ARL15: variants seen among roughly 807,000 people sequenced by gnomAD.
ARL15 encodes the protein ARF like GTPase 15.
In ARL15, 19 loss-of-function variants were observed where a neutral mutation model predicts 25.2. The ratio of observed to expected loss-of-function variants is 0.75; its 90% CI spans 0.53 to 1.10. ARL15 has a LOEUF of 1.10. Ranked by LOEUF, ARL15 falls within the 50% of genes least tolerant of loss-of-function variation. The probability of loss-of-function intolerance (pLI) is 0.00; values close to 1 mark genes in which losing one functional copy is unlikely to be tolerated. For missense variants in ARL15, 220 were observed against 246.0 expected (o/e 0.89, Z 0.71); for synonymous variants, 94 against 86.8 (o/e 1.08, Z -0.46).
chr5:54,241,721 T>C (rs1446887040), intron 1 of ARL15, among the ~76,000 whole-genome samples: 4 of 152,058 alleles, frequency 2.6e-5, no homozygotes, highest in African/African-American at 4.8e-5. Context: ...GTAGACAAGA[T>C]ATGTAGCAAG....
intron 4 of ARL15, among the ~76,000 whole-genome samples, chr5:53,983,821 CAATA>C (rs1292495555): frequency 9.9e-5 from 15 of 152,158 alleles, no homozygotes; most frequent in Non-Finnish European, 2.1e-4. Flanking sequence ...TGATTCCCAA[CAATA>C]AAACTTCTAG....
chr5:54,049,475 T>A (rs1435827558), intron 4 of ARL15, among the ~76,000 whole-genome samples: 2 of 152,190 alleles, frequency 1.3e-5, no homozygotes, highest in Non-Finnish European at 1.5e-5. Context: ...GGATATATCC[T>A]ATGGTTTGGA....
intron 1 of ARL15, among the ~76,000 whole-genome samples, chr5:54,225,770 G>A (rs1033171650): frequency 3.3e-5 from 5 of 152,120 alleles, no homozygotes; most frequent in African/African-American, 4.8e-5. Flanking sequence ...ACACACCATC[G>A]CATCGGGAAG....
chr5:54,175,339 C>CT (rs200930798), intron 1 of ARL15, among the ~76,000 whole-genome samples: 4,207 of 145,722 alleles, frequency 0.029, 181 homozygotes, highest in East Asian at 0.21. Context: ...TTCTTTCTTT[C>CT]TTTTTTTTTT....
chr5:54,230,107 T>C (rs952224295), intron 1 of ARL15, among the ~76,000 whole-genome samples: 3 of 151,980 alleles, frequency 2.0e-5, no homozygotes, highest in African/African-American at 7.2e-5. Flanking sequence ...ATCCCAGCAC[T>C]TCGGGAGGCT....
chr5:54,113,126 C>T lies in ARL15; in HGVS notation c.462+76G>A, dbSNP rs1561228473. 10 of 1,411,188 alleles carry T rather than the reference C, an allele frequency of 7.1e-6. 1 individual carries two copies. The South Asian group carries it at 8.9e-5, about 12-fold the overall frequency. The allele number at this position is 1,411,188 out of a possible 1,614,324, so 87.4% of individuals were successfully genotyped here. A position where few individuals can be genotyped will look rare whatever the true frequency, so the allele number is the denominator to read the frequency against. Reference sequence around the variant, plus strand: ...TAACCAGCACATTCCTAATTACATGCATTTTTCCAGGTTCCAACGTGGCAG... The same window carrying T: ...TAACCAGCACATTCCTAATTACATGTATTTTTCCAGGTTCCAACGTGGCAG... On this transcript the variant is annotated intron_variant, in intron 4 of 4. Coordinates refer to ENST00000504924, the MANE Select transcript of ARL15 (RefSeq NM_019087.3).
rs563745384 is a variant in ARL15 at position 54,156,930 on chromosome 5, T to C, written c.194-2291A>G. On this transcript the variant is annotated intron_variant, in intron 2 of 4. Transcript: ENST00000504924. Reference sequence around the variant, plus strand: ...GGAAAGTCAGTGCCAATCATAATATTCCTGCTGGCACAGAAATTCACCTGC... The same window carrying C: ...GGAAAGTCAGTGCCAATCATAATATCCCTGCTGGCACAGAAATTCACCTGC... 9.5e-4 allele frequency among the ~76,000 whole-genome samples: 144 copies of C among 152,324 alleles called. 2 individuals carry two copies. In the South Asian group the frequency reaches 0.012, roughly 13 times the overall value.
intron 4 of ARL15, among the ~76,000 whole-genome samples, chr5:53,986,193 TTA>T (rs925097005): frequency 1.3e-5 from 2 of 152,218 alleles, no homozygotes; most frequent in Non-Finnish European, 1.5e-5. Context: ...ACCCTGAATG[TTA>T]TGTTTCTGCC....
At chr5:54,009,111 A>G (rs952659405) in intron 4 of ARL15, among the ~76,000 whole-genome samples, 2 of 152,222 alleles carry the variant, frequency 1.3e-5, no homozygotes, top group African/African-American at 4.8e-5. Flanking sequence ...GGTGCTTCAT[A>G]TTATATATGT....
intron 1 of ARL15, among the ~76,000 whole-genome samples, chr5:54,298,960 G>A (rs1758542227): frequency 6.6e-6 from 1 of 151,810 alleles, no homozygotes; most frequent in Admixed American, 6.6e-5. Context: ...CTGGAGTGCA[G>A]TGGCACAATC....
At chr5:54,017,019 C>T (rs188606917) in intron 4 of ARL15, among the ~76,000 whole-genome samples, 7 of 152,312 alleles carry the variant, frequency 4.6e-5, no homozygotes, top group Admixed American at 2.0e-4. Flanking sequence ...ACATGTTAAT[C>T]GTGGTGCGTC....
chr5:54,029,350 C>T (rs1051057525), intron 4 of ARL15, among the ~76,000 whole-genome samples: 2 of 142,872 alleles, frequency 1.4e-5, no homozygotes, highest in South Asian at 4.6e-4. Context: ...ACCACCACCA[C>T]CACCACCACC....
chr5:54,165,710 A>G (rs1181876045), intron 2 of ARL15, among the ~76,000 whole-genome samples: 2 of 149,132 alleles, frequency 1.3e-5, no homozygotes, highest in Non-Finnish European at 3.0e-5. Flanking sequence ...GTATAGGTGC[A>G]TGTATGGATA....
intron 1 of ARL15, among the ~76,000 whole-genome samples, chr5:54,242,794 T>C (rs916861860): frequency 6.6e-6 from 1 of 152,156 alleles, no homozygotes; most frequent in Non-Finnish European, 1.5e-5. Flanking sequence ...CCCCTTTTTT[T>C]CCTAGGTCAG....
At chr5:54,158,262 CT>C (rs772905097) in intron 2 of ARL15, among the ~76,000 whole-genome samples, 33 of 152,124 alleles carry the variant, frequency 2.2e-4, no homozygotes, top group Non-Finnish European at 4.4e-4. Flanking sequence ...AACTGTTTGA[CT>C]TTGAGCAAGC....
intron 1 of ARL15, among the ~76,000 whole-genome samples, chr5:54,181,496 C>T (rs923808282): frequency 3.9e-5 from 6 of 152,198 alleles, no homozygotes; most frequent in African/African-American, 9.6e-5. Flanking sequence ...TACAGCAAAT[C>T]TCTTTTTTTG....
At chr5:54,081,451 G>T (rs1013992709) in intron 4 of ARL15, among the ~76,000 whole-genome samples, 1 of 152,132 alleles carries the variant, frequency 6.6e-6, no homozygotes, top group African/African-American at 2.4e-5. Context: ...ATCCTGGTAT[G>T]TTTAGGCTTT....
At chr5:54,067,954 T>C (rs1400925416) in intron 4 of ARL15, among the ~76,000 whole-genome samples, 1 of 152,216 alleles carries the variant, frequency 6.6e-6, no homozygotes, top group African/African-American at 2.4e-5. Flanking sequence ...ATGATACTTA[T>C]CACTGCTGTT....
chr5:53,887,896 G>A (rs1277262408), intron 4 of ARL15, among the ~76,000 whole-genome samples: 4 of 152,126 alleles, frequency 2.6e-5, no homozygotes, highest in Non-Finnish European at 4.4e-5. Context: ...GTAGAGATAT[G>A]CTATCCAAAT....
Sources: allele counts gnomAD v4.1 joint callset (sites outside exome capture counted in the v4.1 genomes callset), GRCh38; gene constraint gnomAD v4.1.1; transcripts MANE v1.5; gene names NCBI Gene and HGNC (gene_info 2026-07-23, HGNC 2026-07-21).